Variants in CNTNAP2 observed in about 807,000 individuals in gnomAD.
CNTNAP2 encodes the protein contactin-associated protein-like 2.
Under a neutral mutation model 155.2 loss-of-function variants are expected in CNTNAP2, and 98 were observed. The ratio of observed to expected loss-of-function variants is 0.63; its 90% CI spans 0.54 to 0.75. The LOEUF (loss-of-function observed/expected upper bound fraction) is 0.75. CNTNAP2 is among the 30% of genes least tolerant of loss of function. The pLI, the probability that CNTNAP2 is intolerant of heterozygous loss-of-function variation, is 0.00. For synonymous variants in CNTNAP2, 651 were observed against 631.2 expected, an observed-to-expected ratio of 1.03 and a Z score of -0.47; for missense variants, 1,727 against 1,688.1, an observed-to-expected ratio of 1.02 and a Z score of -0.40.
chr7:146,737,106 A>C (rs2129180443), intron 1 of CNTNAP2, among the ~76,000 whole-genome samples: 1 of 152,208 alleles, frequency 6.6e-6, no homozygotes, highest in South Asian at 2.1e-4. Context: ...TAAATTAAGA[A>C]TGTTATTTTT....
rs371517826 is a variant in CNTNAP2 at position 147,868,399 on chromosome 7, G to A, written c.2099-35166G>A. 3.2e-4 allele frequency among the ~76,000 whole-genome samples: 49 copies of A among 152,298 alleles called. 1 individual carries two copies. Among genetic ancestry groups the A allele is most frequent in the African/African-American group, 1.0e-3 (42 of 41,586 alleles). The stretch of plus-strand genomic sequence containing the variant: ...TGTCTGTCGGCCCATACTGGGAGGT[G>A]TCTCCCAGTTAGGCTACACAGGGGT... On this transcript the variant is annotated intron_variant, in intron 13 of 23. Coordinates refer to ENST00000361727, the MANE Select transcript of CNTNAP2 (RefSeq NM_014141.6).
intron 13 of CNTNAP2, among the ~76,000 whole-genome samples, chr7:147,864,526 C>T (rs982952171): frequency 9.9e-5 from 15 of 151,678 alleles, no homozygotes; most frequent in East Asian, 5.8e-4. Context: ...GGCAGTATGG[C>T]CATTTTCATG....
intron 22 of CNTNAP2, among the ~76,000 whole-genome samples, chr7:148,402,607 T>A (rs1177823347): frequency 1.3e-5 from 2 of 152,194 alleles, no homozygotes. Context: ...TTCTGCTATA[T>A]AACTCAGATT....
intron 9 of CNTNAP2, among the ~76,000 whole-genome samples, chr7:147,373,036 A>T (rs866579213): frequency 6.6e-6 from 1 of 152,224 alleles, no homozygotes. Context: ...AACTGATCGT[A>T]CCGTCCAGGG....
intron 4 of CNTNAP2, among the ~76,000 whole-genome samples, chr7:147,066,901 G>A (rs1226992483): frequency 1.3e-5 from 2 of 152,122 alleles, no homozygotes; most frequent in Admixed American, 1.3e-4. Flanking sequence ...TAGCATCATC[G>A]AGTTTGGGTG....
At chr7:146,483,288 T>A (rs1322480520) in intron 1 of CNTNAP2, among the ~76,000 whole-genome samples, 1,863 of 44,130 alleles carry the variant, frequency 0.042, 109 homozygotes, top group African/African-American at 0.16. Flanking sequence ...AAAAAATATA[T>A]ATATATATAT....
chr7:148,415,312 A>T, intron 23 of CNTNAP2, 105 bp from the exon 24 acceptor site: 1 of 1,161,446 alleles, frequency 8.6e-7, no homozygotes, highest in Non-Finnish European at 1.3e-6. Context: ...GTTGTGTTTT[A>T]TATGGGAGAG....
chr7:147,787,334 T>C (rs78478382), intron 13 of CNTNAP2, among the ~76,000 whole-genome samples: 23,279 of 152,188 alleles, frequency 0.15, 2,030 homozygotes, highest in Middle Eastern at 0.32. Context: ...TCACAGGATA[T>C]GTCTAAAGGA....
chr7:146,811,551 T>C (rs920895128), intron 2 of CNTNAP2, among the ~76,000 whole-genome samples: 2 of 152,104 alleles, frequency 1.3e-5, no homozygotes, highest in Admixed American at 6.5e-5. Context: ...GCTAAAGGTA[T>C]ATAAATTTTG....
chr7:147,864,412 G>A (rs1384243921), intron 13 of CNTNAP2, among the ~76,000 whole-genome samples: 1 of 151,678 alleles, frequency 6.6e-6, no homozygotes, highest in Non-Finnish European at 1.5e-5. Flanking sequence ...GCAATGAGGG[G>A]TCTTTTTTGC....
At chr7:147,161,186 A>G (rs1027491676) in intron 8 of CNTNAP2, among the ~76,000 whole-genome samples, 4 of 152,142 alleles carry the variant, frequency 2.6e-5, no homozygotes, top group African/African-American at 9.7e-5. Context: ...CAAAGTATAG[A>G]AAAAGAAATC....
chr7:147,168,173 G>C (rs868647163), intron 8 of CNTNAP2, among the ~76,000 whole-genome samples: 14 of 149,252 alleles, frequency 9.4e-5, no homozygotes, highest in Middle Eastern at 3.6e-3. Context: ...ACATATAATA[G>C]ATATATAAAT....
intron 5 of CNTNAP2, among the ~76,000 whole-genome samples, chr7:147,118,719 T>TA (rs1801039934): frequency 1.3e-5 from 2 of 152,136 alleles, no homozygotes; most frequent in Admixed American, 6.5e-5. Flanking sequence ...GGCAACTGTG[T>TA]AAAAAACTGG....
chr7:147,581,458 T>A (rs1800498037), intron 12 of CNTNAP2, among the ~76,000 whole-genome samples: 1 of 152,208 alleles, frequency 6.6e-6, no homozygotes, highest in African/African-American at 2.4e-5. Context: ...ATGCTCCACA[T>A]TGCTTTGGAC....
rs532820418 is a variant in CNTNAP2 at position 146,760,409 on chromosome 7, C to CTTTTTTTTTTTTTT, written c.98-13842_98-13829dup. Among the ~76,000 whole-genome samples the CTTTTTTTTTTTTTT allele has an allele frequency of 1.5e-3, 85 of 56,296 alleles. 14 individuals carry two copies. The highest frequency in any genetic ancestry group is 4.3e-3 in the African/African-American group (51 of 11,806). The allele number at this position is 56,296 out of a possible 152,430, so 36.9% of individuals were successfully genotyped here. On this transcript the variant is annotated intron_variant, in intron 1 of 23. Transcript: ENST00000361727. ...CACCTCTGTATCATCTCCAATTTAC[C>CTTTTTTTTTTTTTT]TTTTTTTTTTTTTTTTTTTTTTTTT...
chr7:148,413,401 A>AATATATATATATAT (rs1226281346), intron 23 of CNTNAP2, among the ~76,000 whole-genome samples: 1 of 45,372 alleles, frequency 2.2e-5, no homozygotes. Flanking sequence ...TCAAAAAAAA[A>AATATATATATATAT]ATATATATAT....
At chr7:147,988,050 C>T (rs554346382) in intron 15 of CNTNAP2, among the ~76,000 whole-genome samples, 5 of 152,200 alleles carry the variant, frequency 3.3e-5, no homozygotes, top group African/African-American at 9.6e-5. Flanking sequence ...TTAAGAAATA[C>T]GTTGGTTTGG....
At position 148,367,853 on chromosome 7, in the gene CNTNAP2, G is replaced by A. The variant is rs542305372; in HGVS notation, c.3476-15796G>A. On this transcript the variant is annotated intron_variant, in intron 21 of 23. Transcript: ENST00000361727. ...TTTTCTTCGAGGTGCCACAGCCACT[G>A]TAATTTGCACCTCCTGAAGTGTAGA... Among the ~76,000 whole-genome samples, 17 of 152,144 alleles carry A rather than the reference G, an allele frequency of 1.1e-4. No homozygotes were observed. In the East Asian group the frequency reaches 3.1e-3, roughly 28 times the overall value.
At chr7:146,642,887 A>G (rs1799736660) in intron 1 of CNTNAP2, among the ~76,000 whole-genome samples, 1 of 151,722 alleles carries the variant, frequency 6.6e-6, no homozygotes, top group South Asian at 2.1e-4. Context: ...TGTGGTTTTG[A>G]TTTGCATTTC....
Sources: allele counts gnomAD v4.1 joint callset (sites outside exome capture counted in the v4.1 genomes callset), GRCh38; gene constraint gnomAD v4.1.1; transcripts MANE v1.5; gene names NCBI Gene and HGNC (gene_info 2026-07-23, HGNC 2026-07-21).